Variants in BBX observed in about 807,000 individuals in gnomAD.
BBX encodes BBX high mobility group box domain containing.
A neutral mutation model predicts 100.2 loss-of-function variants in BBX; 30 were observed. The observed-to-expected ratio is 0.30, with a 90% CI of 0.22 to 0.41. BBX has a LOEUF of 0.41. Ranked by LOEUF, BBX falls within the 10% of genes least tolerant of loss-of-function variation. The pLI, the probability that BBX is intolerant of heterozygous loss-of-function variation, is 1.00. For synonymous variants in BBX, 376 were observed against 388.1 expected (o/e 0.97, Z 0.37); for missense variants, 1,023 against 1,129.8 (o/e 0.91, Z 1.35).
chr3:107,777,882 A>G (rs2067453891), intron 12 of BBX, among the ~76,000 whole-genome samples: 1 of 152,158 alleles, frequency 6.6e-6, no homozygotes, highest in South Asian at 2.1e-4. Context: ...TAATTTTACA[A>G]AACTACCAAT....
chr3:107,746,696 C>T (rs1013725217), intron 8 of BBX, among the ~76,000 whole-genome samples: 1 of 151,922 alleles, frequency 6.6e-6, no homozygotes, highest in Non-Finnish European at 1.5e-5. Flanking sequence ...CTCAAGTGCT[C>T]CTCCCACCTA....
At position 107,798,615 on chromosome 3, in the gene BBX, C is replaced by CAAG; in HGVS notation, c.2449_2451dup (p.Glu817dup). ...CAACACTCCAGAGCCAACAACAACG[C>CAAG]AAGAACCTTTGGTGGGCAGCCAAAA... On this transcript the variant is annotated inframe_insertion, in exon 16 of 18. Coordinates refer to ENST00000325805, the MANE Select transcript of BBX (RefSeq NM_001142568.3). 4.3e-6 allele frequency: 7 copies of CAAG among 1,614,040 alleles called. No individual in the cohort carries two copies. The highest frequency in any genetic ancestry group is 5.9e-6 in the Non-Finnish European group (7 of 1,179,974).
intron 2 of BBX, among the ~76,000 whole-genome samples, chr3:107,639,327 A>G (rs1307375769): frequency 1.3e-5 from 2 of 152,136 alleles, no homozygotes; most frequent in Non-Finnish European, 2.9e-5. Context: ...CCCCTTCCTG[A>G]AGGTGCAGGC....
chr3:107,656,535 A>G (rs1036823711), intron 3 of BBX, among the ~76,000 whole-genome samples: 2 of 152,182 alleles, frequency 1.3e-5, no homozygotes, highest in African/African-American at 4.8e-5. Flanking sequence ...TACTTTTAAA[A>G]TTATTAATAT....
intron 4 of BBX, among the ~76,000 whole-genome samples, chr3:107,714,538 A>G (rs748870134): frequency 2.6e-5 from 4 of 152,164 alleles, no homozygotes; most frequent in African/African-American, 4.8e-5. Context: ...CATCTTATAT[A>G]TTAATAGTAC....
intron 7 of BBX, among the ~76,000 whole-genome samples, chr3:107,743,782 AAG>A (rs889634296): frequency 2.0e-5 from 3 of 152,182 alleles, no homozygotes; most frequent in Non-Finnish European, 4.4e-5. Flanking sequence ...TTTTTTAAAA[AAG>A]AACATTCTGT....
chr3:107,552,065 G>A (rs2049729035), intron 2 of BBX, among the ~76,000 whole-genome samples: 2 of 152,180 alleles, frequency 1.3e-5, no homozygotes, highest in South Asian at 4.2e-4. Flanking sequence ...CCTGGGGCTG[G>A]GCGCACTGGT....
At chr3:107,666,460 G>A (rs2058746844) in intron 3 of BBX, among the ~76,000 whole-genome samples, 1 of 152,060 alleles carries the variant, frequency 6.6e-6, no homozygotes, top group African/African-American at 2.4e-5. Context: ...TAAAAAACAA[G>A]GAAAAGGGGG....
intron 9 of BBX, among the ~76,000 whole-genome samples, chr3:107,755,289 G>C (rs1351459567): frequency 1.3e-5 from 2 of 152,164 alleles, no homozygotes; most frequent in Non-Finnish European, 2.9e-5. Context: ...TAGTTATTAA[G>C]TTAGTACTTA....
At chr3:107,579,051 C>T (rs1369404194) in intron 2 of BBX, among the ~76,000 whole-genome samples, 1 of 152,074 alleles carries the variant, frequency 6.6e-6, no homozygotes, top group African/African-American at 2.4e-5. Context: ...CCAGCTCTTT[C>T]GTAATGAGAG....
chr3:107,649,251 A>T (rs1440903675), intron 3 of BBX, among the ~76,000 whole-genome samples: 1 of 152,184 alleles, frequency 6.6e-6, no homozygotes, highest in African/African-American at 2.4e-5. Flanking sequence ...ACGATTTAAG[A>T]TGAGATTTGG....
chr3:107,537,904 CT>C (rs1204605238), intron 2 of BBX, among the ~76,000 whole-genome samples: 2 of 152,180 alleles, frequency 1.3e-5, no homozygotes, highest in Non-Finnish European at 2.9e-5. Flanking sequence ...AAAGAAGAAG[CT>C]GACCTGGGAA....
At chr3:107,694,985 A>G (rs2060476791) in intron 3 of BBX, among the ~76,000 whole-genome samples, 2 of 151,118 alleles carry the variant, frequency 1.3e-5, no homozygotes, top group African/African-American at 4.9e-5. Flanking sequence ...ATTTGTGTAG[A>G]GGTGTTTGTA....
intron 2 of BBX, among the ~76,000 whole-genome samples, chr3:107,534,223 G>C (rs1490349584): frequency 6.6e-6 from 1 of 152,166 alleles, no homozygotes; most frequent in Non-Finnish European, 1.5e-5. Context: ...AATTCAGAGG[G>C]ACTCTTATTA....
intron 7 of BBX, among the ~76,000 whole-genome samples, chr3:107,736,711 G>T (rs1256024803): frequency 1.3e-5 from 2 of 152,090 alleles, no homozygotes; most frequent in Non-Finnish European, 2.9e-5. Flanking sequence ...ATATAATTCA[G>T]ATTGTGGAAG....
chr3:107,591,788 A>G (rs775558141), intron 2 of BBX, among the ~76,000 whole-genome samples: 1 of 152,156 alleles, frequency 6.6e-6, no homozygotes, highest in Non-Finnish European at 1.5e-5. Context: ...CGGCCAGTAA[A>G]TGTTACATCT....
At chr3:107,759,932 A>T (rs1049008079) in intron 10 of BBX, among the ~76,000 whole-genome samples, 5 of 152,212 alleles carry the variant, frequency 3.3e-5, no homozygotes, top group Non-Finnish European at 5.9e-5. Context: ...AGATCTTTCT[A>T]CAGATAAGTT....
chr3:107,778,265 C>G (rs115856500), intron 12 of BBX, 106 bp from the exon 13 acceptor site: 10 of 1,377,668 alleles, frequency 7.3e-6, no homozygotes, highest in Non-Finnish European at 1.0e-5. Context: ...TTACCTAATT[C>G]CCAGAGACCC....
intron 2 of BBX, among the ~76,000 whole-genome samples, chr3:107,553,006 T>C (rs2049816836): frequency 6.6e-6 from 1 of 152,158 alleles, no homozygotes; most frequent in Non-Finnish European, 1.5e-5. Context: ...TAAAGAAAAA[T>C]GTTGATTTCA....
Sources: allele counts gnomAD v4.1 joint callset (sites outside exome capture counted in the v4.1 genomes callset), GRCh38; gene constraint gnomAD v4.1.1; transcripts MANE v1.5; gene names NCBI Gene and HGNC (gene_info 2026-07-23, HGNC 2026-07-21).